TPMT: variants seen among roughly 807,000 people sequenced by gnomAD.
TPMT encodes thiopurine S-methyltransferase, also known as S-adenosyl-L-methionine:thiopurine S-methyltransferase.
A neutral mutation model predicts 34.2 loss-of-function variants in TPMT; 18 were observed. The observed-to-expected ratio is 0.53, with a 90% CI of 0.36 to 0.78. TPMT has a LOEUF of 0.78. Among genes scored for constraint, TPMT ranks in the 30% least tolerant of loss-of-function variants. The pLI, the probability that TPMT is intolerant of heterozygous loss-of-function variation, is 0.00. For missense variants in TPMT, 265 were observed against 288.1 expected (o/e 0.92, Z 0.58); for synonymous variants, 69 against 92.4 (o/e 0.75, Z 1.45).
Position 18,147,861 on chromosome 6 carries a change from TA to T in TPMT, c.194del (p.Val65AspfsTer12). The T allele has an allele frequency of 6.2e-7, 1 of 1,613,822 alleles. No individual in the cohort carries two copies. Among genetic ancestry groups the T allele is most frequent in the African/African-American group, 1.3e-5 (1 of 74,984 alleles). ...CCGCTTTTCCGCAAAGAGGAAAAAA[TA>T]CCCTCAGTCCACTCTTGCCTTTAAG... ...TFLKGKSGLR[V>X]FFPLCGKAVE... On this transcript the variant is annotated frameshift_variant, in exon 3 of 9. Transcript: ENST00000309983. LOFTEE classifies it high-confidence loss of function.
chr6:18,152,975 G>C (rs775868859), intron 1 of TPMT, among the ~76,000 whole-genome samples: 2 of 152,094 alleles, frequency 1.3e-5, no homozygotes, highest in Non-Finnish European at 2.9e-5. Context: ...TGATATAAGA[G>C]GGCCAAAAAC....
chr6:18,133,964 G>GGAAGCCA (rs1335207315), intron 6 of TPMT, 75 bp from the exon 7 acceptor site: 1 of 1,236,550 alleles, frequency 8.1e-7, no homozygotes, highest in African/African-American at 1.5e-5. Flanking sequence ...AGGCAGGGAA[G>GGAAGCCA]GAAGCCAGAA....
At position 18,129,509 on chromosome 6, in the gene TPMT, T is replaced by C. The variant is rs1216889767; in HGVS notation, c.*1159A>G. On this transcript the variant is annotated 3_prime_UTR_variant, in exon 9 of 9. Coordinates refer to ENST00000309983, the MANE Select transcript of TPMT (RefSeq NM_000367.5). ...ACACAACCATCCTATTAACATGAGC[T>C]AAACAATCTAAACCATTTAGTTGTT... 1 of 152,192 alleles carries C rather than the reference T, an allele frequency of 6.6e-6. No individual in the cohort carries two copies. Among genetic ancestry groups the C allele is most frequent in the Non-Finnish European group, 1.5e-5 (1 of 68,038 alleles). 9.4% of individuals were successfully genotyped at this position (152,192 alleles called of 1,614,324 possible).
chr6:18,136,147 T>C lies in TPMT; in HGVS notation c.495-2258A>G, dbSNP rs894354244. 2.6e-5 allele frequency among the ~76,000 whole-genome samples: 4 copies of C among 152,112 alleles called. No individual in the cohort carries two copies. Among genetic ancestry groups the C allele is most frequent in the Non-Finnish European group, 5.9e-5 (4 of 68,024 alleles). On this transcript the variant is annotated intron_variant, in intron 6 of 8. Coordinates refer to ENST00000309983, the MANE Select transcript of TPMT (RefSeq NM_000367.5). This position sits in a 1 kb window ranked among gnomAD's most constrained non-coding sequence, Gnocchi z 4.7. ...ATTTTACCATGCCAACCAGAGCCTG[T>C]AGAAGGACTAACCTCTAAGGAATGG...
intron 3 of TPMT, among the ~76,000 whole-genome samples, chr6:18,147,508 C>T (rs1387494663): frequency 1.3e-5 from 2 of 152,100 alleles, no homozygotes; most frequent in Non-Finnish European, 1.5e-5. Flanking sequence ...AGCTAAATTC[C>T]TAAACCACCT....
At chr6:18,141,480 T>C (rs1436168679) in intron 4 of TPMT, among the ~76,000 whole-genome samples, 1 of 151,846 alleles carries the variant, frequency 6.6e-6, no homozygotes, top group Admixed American at 6.6e-5. Flanking sequence ...GCTAGGATTA[T>C]AGGTATGCAC....
Position 18,136,024 on chromosome 6 carries a change from T to C in TPMT, c.495-2135A>G, listed in dbSNP as rs908029594. Among the ~76,000 whole-genome samples, 1 of 152,142 alleles carries C rather than the reference T, an allele frequency of 6.6e-6. No homozygotes were observed. Among genetic ancestry groups the C allele is most frequent in the Non-Finnish European group, 1.5e-5 (1 of 68,032 alleles). ...TTATATCAGACACTGGGGAAATAAC[T>C]GACCTCAGGTGATCTGCCCACCTCA... is the stretch of plus-strand genomic sequence containing the variant. On this transcript the variant is annotated intron_variant, in intron 6 of 8. Coordinates refer to ENST00000309983, the MANE Select transcript of TPMT (RefSeq NM_000367.5). The surrounding 1 kb of genome is among the most constrained non-coding windows in gnomAD (Gnocchi z 4.7).
rs1221154122 is a variant in TPMT at position 18,146,262 on chromosome 6, G to GT, written c.233+1560dup. The stretch of plus-strand genomic sequence containing the variant: ...GTCTCACTCTGTCACCTAGGCTGGA[G>GT]TGCATGGGCTCATTGCAACCTCCGC... On this transcript the variant is annotated intron_variant, in intron 3 of 8. Coordinates refer to ENST00000309983, the MANE Select transcript of TPMT (RefSeq NM_000367.5). This position sits in a 1 kb window ranked among gnomAD's most constrained non-coding sequence, Gnocchi z 6.2. Among the ~76,000 whole-genome samples the GT allele has an allele frequency of 1.3e-5, 2 of 151,958 alleles. No individual in the cohort carries two copies. Among genetic ancestry groups the GT allele is most frequent in the Non-Finnish European group, 2.9e-5 (2 of 68,008 alleles).
In TPMT at chr6:18,149,006, T is replaced by C. The variant is rs757081801; in HGVS notation, c.122A>G (p.His41Arg). ...TTCTTACTGATGTCCTTGTTCCTGA[T>C]GAAAAGCAGTCTTGCCGTTCACCCA... ...DKWVNGKTAF[H>R]QEQGHQLLKK... The change falls in exon 2 of 9, where the codon CAT becomes CGT. Residue 41 changes from histidine to arginine, a missense_variant. Physicochemically the swap from His to Arg is conservative, Grantham distance 29. Transcript: ENST00000309983. The surrounding 1 kb of genome is among the most constrained non-coding windows in gnomAD (Gnocchi z 5.0). 4.3e-6 allele frequency: 7 copies of C among 1,613,820 alleles called. No individual in the cohort carries two copies. Among genetic ancestry groups the C allele is most frequent in the African/African-American group, 2.7e-5 (2 of 74,946 alleles).
rs1455177009 is a variant in TPMT at position 18,130,688 on chromosome 6, A to G, written c.718T>C (p.Tyr240His). Residue 240 changes from tyrosine to histidine, a missense_variant, in exon 9 of 9, where the codon TAT becomes CAT. Transcript: ENST00000309983. This position sits in a 1 kb window ranked among gnomAD's most constrained non-coding sequence, Gnocchi z 4.2. ...CTCATTTACTTTTCTGTAAGTAGAT[A>G]TAACTTTTCAAAAAGACAGTCAATT... ...WGIDCLFEKLYLLTEK is the reference protein window; with the variant it reads ...WGIDCLFEKLHLLTEK 3 of 1,610,450 alleles carry G rather than the reference A, an allele frequency of 1.9e-6. No homozygotes were observed. Among genetic ancestry groups the G allele is most frequent in the African/African-American group, 1.3e-5 (1 of 74,866 alleles).
At position 18,140,500 on chromosome 6, in the gene TPMT, G is replaced by A. The variant is rs961165863; in HGVS notation, c.367-783C>T. ...AGCCCAGGAGTATGAGACCAGCCTG[G>A]GCAACATGGCAAAACTCCAACTCTA... On this transcript the variant is annotated intron_variant, in intron 4 of 8. Coordinates refer to ENST00000309983, the MANE Select transcript of TPMT (RefSeq NM_000367.5). The surrounding 1 kb of genome is among the most constrained non-coding windows in gnomAD (Gnocchi z 4.7). Among the ~76,000 whole-genome samples, 1 of 152,040 alleles carries A rather than the reference G, an allele frequency of 6.6e-6. No homozygotes were observed. Among genetic ancestry groups the A allele is most frequent in the African/African-American group, 2.4e-5 (1 of 41,402 alleles).
Position 18,148,508 on chromosome 6 carries a change from A to G in TPMT, c.140+480T>C, listed in dbSNP as rs1241369654. ...ACTGGTCCCATGATTTATTGCTGCTATGAAGACTACTACTACATTGCACAA... is the reference window on the plus strand; with the variant it reads ...ACTGGTCCCATGATTTATTGCTGCTGTGAAGACTACTACTACATTGCACAA... On this transcript the variant is annotated intron_variant, in intron 2 of 8. Transcript: ENST00000309983. The surrounding 1 kb of genome is among the most constrained non-coding windows in gnomAD (Gnocchi z 4.1). Among the ~76,000 whole-genome samples, 2 of 152,216 alleles carry G rather than the reference A, an allele frequency of 1.3e-5. No homozygotes were observed. The highest frequency in any genetic ancestry group is 6.5e-5 in the Admixed American group (1 of 15,276).
rs1190932466 is a variant in TPMT, at chr6:18,139,057, C to T, written c.420-20G>A. ...TTTGTCCTACCAGAAAGAGAAAAAACATTTTATGGGAGAAAAATCAAATCT... is the reference window on the plus strand; with the variant it reads ...TTTGTCCTACCAGAAAGAGAAAAAATATTTTATGGGAGAAAAATCAAATCT... On this transcript the variant is annotated intron_variant, in intron 5 of 8. Transcript: ENST00000309983. The surrounding 1 kb of genome is among the most constrained non-coding windows in gnomAD (Gnocchi z 4.2). The T allele has an allele frequency of 1.2e-6, 2 of 1,604,876 alleles. No homozygotes were observed. The highest frequency in any genetic ancestry group is 1.3e-5 in the African/African-American group (1 of 74,776).
At chr6:18,142,324 C>A (rs770669201) in intron 4 of TPMT, among the ~76,000 whole-genome samples, 4 of 152,112 alleles carry the variant, frequency 2.6e-5, no homozygotes, top group Non-Finnish European at 5.9e-5. Context: ...AGCCACTTCA[C>A]AACCTCTGCA....
chr6:18,147,375 G>T (rs1200909402), intron 3 of TPMT, among the ~76,000 whole-genome samples: 3 of 152,178 alleles, frequency 2.0e-5, no homozygotes, highest in African/African-American at 7.2e-5. Flanking sequence ...AAACTCCTGT[G>T]TTCCCTGGTG....
chr6:18,130,041 T>C lies in TPMT; in HGVS notation c.*627A>G, dbSNP rs1347394827. 6.6e-6 allele frequency: 1 copy of C among 152,636 alleles called. No homozygotes were observed. The highest frequency in any genetic ancestry group is 2.4e-5 in the African/African-American group (1 of 41,438). 9.5% of individuals were successfully genotyped at this position (152,636 alleles called of 1,614,324 possible). A position where few individuals can be genotyped will look rare whatever the true frequency, so the allele number is the denominator to read the frequency against. On this transcript the variant is annotated 3_prime_UTR_variant, in exon 9 of 9. Transcript: ENST00000309983. This position sits in a 1 kb window ranked among gnomAD's most constrained non-coding sequence, Gnocchi z 4.2. ...GCTCACGCCTGTAATCCCAGCACTT[T>C]GGGAGGCCGAGGTGGGTAGATCACC...
chr6:18,137,539 G>T (rs114317443), intron 6 of TPMT, among the ~76,000 whole-genome samples: 1 of 152,112 alleles, frequency 6.6e-6, no homozygotes, highest in African/African-American at 2.4e-5. Flanking sequence ...AATTGAAAGA[G>T]TATACAGATG....
rs927372683 is a variant in TPMT, at chr6:18,132,476, C to A, written c.581-299G>T. On this transcript the variant is annotated intron_variant, in intron 7 of 8. Coordinates refer to ENST00000309983, the MANE Select transcript of TPMT (RefSeq NM_000367.5). This position sits in a 1 kb window ranked among gnomAD's most constrained non-coding sequence, Gnocchi z 4.8. ...GGGGTTTCAACCATCTTCTAGCATA[C>A]TGATTTTCTACCAACTCCTGCACTC... 2.6e-5 allele frequency among the ~76,000 whole-genome samples: 4 copies of A among 152,108 alleles called. No individual in the cohort carries two copies. The highest frequency in any genetic ancestry group is 5.9e-5 in the Non-Finnish European group (4 of 68,036).
chr6:18,152,408 T>C (rs556941399), intron 1 of TPMT, among the ~76,000 whole-genome samples: 55 of 152,292 alleles, frequency 3.6e-4, no homozygotes, highest in African/African-American at 1.3e-3. Flanking sequence ...TACTGAACCA[T>C]AGTTCAATAT....
Sources: allele counts gnomAD v4.1 joint callset (sites outside exome capture counted in the v4.1 genomes callset), GRCh38; gene constraint gnomAD v4.1.1; non-coding constraint Gnocchi (gnomAD v3.1); transcripts MANE v1.5; gene names NCBI Gene and HGNC (gene_info 2026-07-23, HGNC 2026-07-21).